The following PDE1C variants were observed in gnomAD, a reference collection of about 807,000 sequenced individuals.
PDE1C encodes phosphodiesterase 1C.
PDE1C carries 62 observed loss-of-function variants against 93.1 expected under a neutral mutation model. That is an observed-to-expected ratio of 0.67 (90% CI 0.54 to 0.82). PDE1C has a LOEUF of 0.82. Among genes scored for constraint, PDE1C ranks in the 40% least tolerant of loss-of-function variants. The probability of loss-of-function intolerance (pLI) is 0.00; values close to 1 mark genes in which losing one functional copy is unlikely to be tolerated. For missense variants in PDE1C, 742 were observed against 884.6 expected, an observed-to-expected ratio of 0.84 and a Z score of 2.04; for synonymous variants, 325 against 310.1, an observed-to-expected ratio of 1.05 and a Z score of -0.50.
chr7:31,882,644 A>C (rs951522224), intron 2 of PDE1C, among the ~76,000 whole-genome samples: 3 of 152,194 alleles, frequency 2.0e-5, no homozygotes, highest in Non-Finnish European at 4.4e-5. Context: ...TCTCAAACAT[A>C]AGAGTAAAAT....
At chr7:31,758,947 T>C (rs890502901) in intron 17 of PDE1C, among the ~76,000 whole-genome samples, 1 of 152,204 alleles carries the variant, frequency 6.6e-6, no homozygotes, top group African/African-American at 2.4e-5. Context: ...AAAGTATTAC[T>C]GAATTTCCCA....
At chr7:32,112,806 G>GTA (rs1798723788) in intron 3 of PDE1C, among the ~76,000 whole-genome samples, 1 of 82,108 alleles carries the variant, frequency 1.2e-5, no homozygotes, top group East Asian at 4.6e-4. Context: ...ATACATATAT[G>GTA]TGTGTGTGTG....
chr7:31,925,062 TGTGTG>T (rs1803182696), intron 2 of PDE1C, among the ~76,000 whole-genome samples: 1 of 137,066 alleles, frequency 7.3e-6, no homozygotes, highest in African/African-American at 2.9e-5. Context: ...TGTGTGTGTG[TGTGTG>T]TGTGTGTGTG....
the PDE1C span, chr7:31,651,271 T>G: frequency 3.8e-5 from 62 of 1,612,312 alleles, no homozygotes; most frequent in African/African-American, 6.4e-4. Context: ...GGAGGAAAGG[T>G]AATTACCTAA....
rs571909004 is a variant in PDE1C, at chr7:32,399,814, C to A, written c.310+28008G>T. Among the ~76,000 whole-genome samples, 4 of 151,870 alleles carry A rather than the reference C, an allele frequency of 2.6e-5. No individual in the cohort carries two copies. In the South Asian group the frequency reaches 8.3e-4, roughly 32 times the overall value. ...GGTCAGGCTGGTCTTGAACTCCTAG[C>A]CTCAAGCAATCCTCCCATTTCGGCC... On this transcript the variant is annotated intron_variant, in intron 1 of 1. Transcript: ENST00000672256.
At chr7:31,618,039 G>A in the PDE1C span, among the ~76,000 whole-genome samples, 1 of 152,058 alleles carries the variant, frequency 6.6e-6, no homozygotes, top group African/African-American at 2.4e-5. Flanking sequence ...GGCATCCATG[G>A]GATCCTAAAG....
the PDE1C span, among the ~76,000 whole-genome samples, chr7:31,647,728 C>T: frequency 3.0e-4 from 44 of 148,250 alleles, no homozygotes; most frequent in African/African-American, 1.1e-3. Context: ...ACGACAACGA[C>T]GACGACAATG....
chr7:32,252,062 A>G (rs1163065846), intron 1 of PDE1C, among the ~76,000 whole-genome samples: 1 of 152,230 alleles, frequency 6.6e-6, no homozygotes, highest in East Asian at 1.9e-4. Flanking sequence ...GTGGTTATGA[A>G]TATTTTATGC....
chr7:32,055,048 T>A (rs985238550), intron 1 of PDE1C, among the ~76,000 whole-genome samples: 1 of 152,224 alleles, frequency 6.6e-6, no homozygotes, highest in African/African-American at 2.4e-5. Context: ...TGACTGCTCA[T>A]GGTCATGATC....
chr7:32,024,822 A>G (rs1789184024), intron 2 of PDE1C, among the ~76,000 whole-genome samples: 1 of 152,118 alleles, frequency 6.6e-6, no homozygotes, highest in Admixed American at 6.6e-5. Flanking sequence ...AAGCTCTCTC[A>G]TTCCTGTCTC....
chr7:32,051,618 T>G, intron 1 of PDE1C, 38 bp from the exon 2 acceptor site: 1 of 1,598,808 alleles, frequency 6.3e-7, no homozygotes. Context: ...AGAAAAGGGT[T>G]GTGGCAGGCA....
chr7:31,994,606 G>A (rs1784507309), intron 2 of PDE1C, among the ~76,000 whole-genome samples: 1 of 152,052 alleles, frequency 6.6e-6, no homozygotes, highest in African/African-American at 2.4e-5. Flanking sequence ...GTTCTTCGTA[G>A]CCTCACCATA....
upstream of PDE1C, among the ~76,000 whole-genome samples, chr7:32,075,432 ATGTTC>A (rs1796297279): frequency 6.6e-6 from 1 of 151,982 alleles, no homozygotes; most frequent in Non-Finnish European, 1.5e-5. Context: ...GGCCCCCACA[ATGTTC>A]TGTCAACAGA....
the PDE1C span, among the ~76,000 whole-genome samples, chr7:31,740,557 G>T: frequency 6.6e-6 from 1 of 152,200 alleles, no homozygotes; most frequent in Non-Finnish European, 1.5e-5. Context: ...CAGAATGCTA[G>T]ATTACCATGT....
At chr7:32,221,920 GCTGC>G (rs1205459060) in intron 1 of PDE1C, among the ~76,000 whole-genome samples, 5 of 152,160 alleles carry the variant, frequency 3.3e-5, no homozygotes, top group Non-Finnish European at 7.3e-5. Context: ...ACCTGGGCAA[GCTGC>G]CAGCAAAGCA....
chr7:32,419,000 G>A (rs1436670119), intron 1 of PDE1C, among the ~76,000 whole-genome samples: 1 of 152,172 alleles, frequency 6.6e-6, no homozygotes, highest in Non-Finnish European at 1.5e-5. Context: ...GGTCTCTTAG[G>A]AAGATCTCTG....
intron 1 of PDE1C, among the ~76,000 whole-genome samples, chr7:32,391,847 G>A (rs914602801): frequency 1.3e-5 from 2 of 151,954 alleles, no homozygotes; most frequent in African/African-American, 2.4e-5. Context: ...GCAATGCTTA[G>A]AGGAAAATGT....
intron 16 of PDE1C, among the ~76,000 whole-genome samples, chr7:31,778,442 A>G (rs998618677): frequency 5.9e-5 from 9 of 152,050 alleles, no homozygotes; most frequent in African/African-American, 2.2e-4. Flanking sequence ...GGGCTGTACA[A>G]TTCTTTGTGG....
intron 7 of PDE1C, among the ~76,000 whole-genome samples, chr7:31,864,631 G>T (rs1379348935): frequency 6.6e-6 from 1 of 152,122 alleles, no homozygotes; most frequent in East Asian, 1.9e-4. Flanking sequence ...ATAGCAAAAG[G>T]TTAACAGTAC....
Sources: allele counts gnomAD v4.1 joint callset (sites outside exome capture counted in the v4.1 genomes callset), GRCh38; gene constraint gnomAD v4.1.1; transcripts MANE v1.5; gene names NCBI Gene and HGNC (gene_info 2026-07-23, HGNC 2026-07-21).